Variants in RYR2 observed in about 807,000 individuals in gnomAD.
RYR2 encodes the protein cardiac muscle ryanodine receptor-calcium release channel.
Under a neutral mutation model 601.1 loss-of-function variants are expected in RYR2, and 227 were observed. That is an observed-to-expected ratio of 0.38 (90% CI 0.34 to 0.42). The LOEUF is 0.42. Ranked by LOEUF, RYR2 falls within the 10% of genes least tolerant of loss-of-function variation. RYR2 has a pLI of 1.00. For missense variants in RYR2, 4,646 were observed against 6,156.5 expected (o/e 0.75, Z 8.21); for synonymous variants, 2,223 against 2,175.1 (o/e 1.02, Z -0.61).
Position 237,617,280 on chromosome 1 carries a change from T to A in RYR2, c.5716-6T>A. The stretch of plus-strand genomic sequence containing the variant: ...TAAATTTGGTGTCTTTTTAATGGTC[T>A]CTTAGATGTGCCTACTGCTTCAGTA... On this transcript the variant is annotated splice_polypyrimidine_tract_variant and splice_region_variant and intron_variant, in intron 37 of 104. Coordinates refer to ENST00000366574, the MANE Select transcript of RYR2 (RefSeq NM_001035.3). 1 of 1,607,680 alleles carries A rather than the reference T, an allele frequency of 6.2e-7. No homozygotes were observed. Among genetic ancestry groups the A allele is most frequent in the Non-Finnish European group, 8.5e-7 (1 of 1,176,742 alleles).
At chr1:237,800,184 C>T (rs1330548781) in intron 97 of RYR2, 2 of 152,146 alleles carry the variant, frequency 1.3e-5, no homozygotes, top group African/African-American at 4.8e-5. Context: ...AAATAAGAAA[C>T]CACCATAGGA....
chr1:237,657,416 T>A (rs1683359549), intron 53 of RYR2, among the ~76,000 whole-genome samples: 1 of 151,946 alleles, frequency 6.6e-6, no homozygotes, highest in African/African-American at 2.4e-5. Flanking sequence ...TGGTCATCAT[T>A]TGCATGTCCT....
chr1:237,087,200 G>A (rs1666437894), intron 1 of RYR2, among the ~76,000 whole-genome samples: 1 of 152,140 alleles, frequency 6.6e-6, no homozygotes, highest in African/African-American at 2.4e-5. Flanking sequence ...CTTCCAGATG[G>A]CACCTGAACC....
intron 7 of RYR2, among the ~76,000 whole-genome samples, chr1:237,375,985 C>T (rs1169189296): frequency 6.6e-6 from 1 of 151,034 alleles, no homozygotes; most frequent in African/African-American, 2.4e-5. Flanking sequence ...CTGAATTCCT[C>T]AATTATTTAT....
Position 237,496,578 on chromosome 1 carries a change from T to G in RYR2, c.2029T>G (p.Leu677Val). ...TCAGTATAAGAAATGGTACTATGAA[T>G]TGATGGTGGACCACACAGAGCCCTT... ...SAQYKKWYYE[L>V]MVDHTEPFVT... The change falls in exon 20 of 105, where the codon TTG (leucine) becomes GTG (valine). Residue 677 changes from leucine to valine, a missense_variant. By Grantham distance (32) the Leu-to-Val change is conservative (BLOSUM62 1). Coordinates refer to ENST00000366574, the MANE Select transcript of RYR2 (RefSeq NM_001035.3). 2 of 1,614,028 alleles carry G rather than the reference T, an allele frequency of 1.2e-6. No homozygotes were observed. The highest frequency in any genetic ancestry group is 1.7e-6 in the Non-Finnish European group (2 of 1,179,906).
chr1:237,668,492 T>C (rs1684519756), intron 58 of RYR2, among the ~76,000 whole-genome samples: 1 of 152,266 alleles, frequency 6.6e-6, no homozygotes, highest in South Asian at 2.1e-4. Flanking sequence ...CTTTCAACAT[T>C]ATTTATTTGC....
chr1:237,562,319 A>C (rs895277554), intron 27 of RYR2, among the ~76,000 whole-genome samples: 2 of 152,256 alleles, frequency 1.3e-5, no homozygotes, highest in African/African-American at 4.8e-5. Context: ...TATTATCATT[A>C]GACCTAAAAG....
intron 84 of RYR2, among the ~76,000 whole-genome samples, chr1:237,761,994 T>G (rs1693467451): frequency 6.6e-6 from 1 of 152,204 alleles, no homozygotes; most frequent in African/African-American, 2.4e-5. Flanking sequence ...TATTTTTTTC[T>G]TCTCACAAAT....
At chr1:237,071,229 GT>G (rs913460924) in intron 1 of RYR2, among the ~76,000 whole-genome samples, 30 of 145,464 alleles carry the variant, frequency 2.1e-4, no homozygotes, top group African/African-American at 4.7e-4. Flanking sequence ...TTTGATTTTT[GT>G]TTTTTTTTTT....
intron 12 of RYR2, among the ~76,000 whole-genome samples, chr1:237,425,740 G>T (rs1706087147): frequency 1.3e-5 from 2 of 152,066 alleles, no homozygotes. Flanking sequence ...GGCTGAGGAG[G>T]AGGAGGAGGA....
rs1435310453 is a variant in RYR2, at chr1:237,680,443, T to G, written c.8896-13T>G. Reference sequence around the variant, plus strand: ...TCCACTACGTAGATCTGTCTTCTTTTCCTTTCTTTCAGGTCGTTCTTCCTT... The same window carrying G: ...TCCACTACGTAGATCTGTCTTCTTTGCCTTTCTTTCAGGTCGTTCTTCCTT... On this transcript the variant is annotated splice_polypyrimidine_tract_variant and intron_variant, in intron 61 of 104. Transcript: ENST00000366574. 2 of 1,607,502 alleles carry G rather than the reference T, an allele frequency of 1.2e-6. No individual in the cohort carries two copies. Among genetic ancestry groups the G allele is most frequent in the Admixed American group, 3.3e-5 (2 of 59,854 alleles).
intron 92 of RYR2, among the ~76,000 whole-genome samples, chr1:237,788,746 A>G (rs1657964172): frequency 6.6e-6 from 1 of 152,174 alleles, no homozygotes; most frequent in Non-Finnish European, 1.5e-5. Flanking sequence ...TGTCCTGTAC[A>G]TTTTACAGAG....
rs533429097 is a variant in RYR2, at chr1:237,833,247, G to C, written c.*600G>C. The C allele has an allele frequency of 6.8e-5, 10 of 147,790 alleles. No individual in the cohort carries two copies. Among genetic ancestry groups the C allele is most frequent in the African/African-American group, 2.0e-4 (8 of 39,594 alleles). The allele number at this position is 147,790 out of a possible 1,614,324, so 9.2% of individuals were successfully genotyped here. A position where few individuals can be genotyped will look rare whatever the true frequency, so the allele number is the denominator to read the frequency against. On this transcript the variant is annotated 3_prime_UTR_variant, in exon 105 of 105. Coordinates refer to ENST00000366574, the MANE Select transcript of RYR2 (RefSeq NM_001035.3). ...TTTTCCTTTAGTCTTTTCTTTAGTG[G>C]GGGAGGGTAAGAAAAGCAGTTTGCA... is the stretch of plus-strand genomic sequence containing the variant.
chr1:237,503,201 A>T, intron 21 of RYR2, 88 bp from the exon 22 acceptor site: 2 of 1,183,470 alleles, frequency 1.7e-6, no homozygotes, highest in Non-Finnish European at 1.2e-6. Context: ...ATACTTTTGT[A>T]CTAACAATTT....
At chr1:237,359,168 C>T (rs931534274) in intron 4 of RYR2, among the ~76,000 whole-genome samples, 40 of 152,254 alleles carry the variant, frequency 2.6e-4, no homozygotes, top group African/African-American at 8.4e-4. Flanking sequence ...CTCCCTTAAA[C>T]GGGCTGAGAA....
rs527631576 is a variant in RYR2 at position 237,299,819 on chromosome 1, T to G, written c.168+29203T>G. ...TGGGCTTTAATTATGCCAAGGTCTG[T>G]GGATCCCGGAGATGCTGACAAATTC... On this transcript the variant is annotated intron_variant, in intron 2 of 104. Coordinates refer to ENST00000366574, the MANE Select transcript of RYR2 (RefSeq NM_001035.3). Among the ~76,000 whole-genome samples the G allele has an allele frequency of 3.9e-5, 6 of 152,358 alleles. No individual in the cohort carries two copies. The South Asian group carries it at 1.2e-3, about 32-fold the overall frequency.
rs750416931 is a variant in RYR2, at chr1:237,590,843, T to C, written c.4011T>C (p.Tyr1337=). Residue 1337 remains tyrosine (Y), a synonymous_variant, in exon 31 of 105, where the codon TAT becomes TAC. Coordinates refer to ENST00000366574, the MANE Select transcript of RYR2 (RefSeq NM_001035.3). ...LFGPKNDLED[Y]DADSDFEVLM... ...GGCCCAAGAATGACTTGGAAGATTA[T>C]GATGCTGATTCTGACTTTGAGGTTC... 6.2e-7 allele frequency: 1 copy of C among 1,613,746 alleles called. No individual in the cohort carries two copies. The highest frequency in any genetic ancestry group is 8.5e-7 in the Non-Finnish European group (1 of 1,179,868).
In RYR2 at chr1:237,454,477, T is replaced by G; in HGVS notation, c.1379T>G (p.Ile460Ser). 6.2e-7 allele frequency: 1 copy of G among 1,613,580 alleles called. No homozygotes were observed. Among genetic ancestry groups the G allele is most frequent in the East Asian group, 2.2e-5 (1 of 44,832 alleles). ...GTAAGCCTAAGTCTGCAGGATCTCA[T>G]TGGCTACTTCCACCCCCCAGATGAG... The part of the protein sequence containing the change: ...ESVSLSLQDL[I>S]GYFHPPDEHL... The change falls in exon 15 of 105, where the codon ATT (isoleucine) becomes AGT (serine). Residue 460 changes from isoleucine (I) to serine (S), a missense_variant. By Grantham distance (142) the Ile-to-Ser change is moderately radical. Around this residue, in one of 17 missense-constraint regions of RYR2, gnomAD observed 1,807 missense variants for 2,088.1 expected, o/e 0.87. Coordinates refer to ENST00000366574, the MANE Select transcript of RYR2 (RefSeq NM_001035.3).
chr1:237,395,531 G>GTTTTTT (rs1330833544), intron 10 of RYR2, among the ~76,000 whole-genome samples: 1 of 98,972 alleles, frequency 1.0e-5, no homozygotes, highest in African/African-American at 4.0e-5. Flanking sequence ...TAGTAGGACT[G>GTTTTTT]TCTTTTTTTT....
Sources: allele counts gnomAD v4.1 joint callset (sites outside exome capture counted in the v4.1 genomes callset), GRCh38; gene constraint gnomAD v4.1.1; regional missense constraint gnomAD v4.1.1; transcripts MANE v1.5; gene names NCBI Gene and HGNC (gene_info 2026-07-23, HGNC 2026-07-21).